PABPC4L: variants seen among roughly 807,000 people sequenced by gnomAD.
PABPC4L encodes the protein polyadenylate-binding protein 4-like.
For missense variants in PABPC4L, 452 were observed against 451.4 expected, an observed-to-expected ratio of 1.00 and a Z score of -0.01; for synonymous variants, 169 against 164.1, an observed-to-expected ratio of 1.03 and a Z score of -0.23.
the PABPC4L span, among the ~76,000 whole-genome samples, chr4:134,044,847 G>T: frequency 6.6e-6 from 1 of 151,866 alleles, no homozygotes; most frequent in Non-Finnish European, 1.5e-5. Flanking sequence ...TTATTATTTG[G>T]CAGTGTTATG....
the PABPC4L span, among the ~76,000 whole-genome samples, chr4:134,064,587 T>C: frequency 6.6e-6 from 1 of 152,102 alleles, no homozygotes; most frequent in Non-Finnish European, 1.5e-5. Context: ...TGCTCTTTTT[T>C]GGTTTTGTTT....
chr4:134,182,100 AC>A, the PABPC4L span, among the ~76,000 whole-genome samples: 6 of 151,802 alleles, frequency 4.0e-5, no homozygotes, highest in Admixed American at 6.6e-5. Flanking sequence ...AACTAAAAAA[AC>A]AAAAACAAAA....
the PABPC4L span, among the ~76,000 whole-genome samples, chr4:133,986,643 A>G: frequency 6.6e-6 from 1 of 152,194 alleles, no homozygotes; most frequent in Non-Finnish European, 1.5e-5. Flanking sequence ...AACTTGAAAA[A>G]AAGAGAAAAT....
chr4:134,169,717 A>G, the PABPC4L span, among the ~76,000 whole-genome samples: 2 of 152,140 alleles, frequency 1.3e-5, no homozygotes, highest in East Asian at 1.9e-4. Context: ...ACCTGGGAAT[A>G]TACTTGGCCA....
At chr4:134,175,485 G>A in the PABPC4L span, among the ~76,000 whole-genome samples, 1 of 151,694 alleles carries the variant, frequency 6.6e-6, no homozygotes, top group Non-Finnish European at 1.5e-5. Context: ...GTCTCGCTCT[G>A]TCGCCCAGGC....
In PABPC4L at chr4:134,197,723, A is replaced by G. The variant is rs1206183170; in HGVS notation, c.*2184T>C. The G allele has an allele frequency of 2.0e-5, 3 of 151,756 alleles. No individual in the cohort carries two copies. Among genetic ancestry groups the G allele is most frequent in the Non-Finnish European group, 4.4e-5 (3 of 67,678 alleles). The allele number at this position is 151,756 out of a possible 1,614,324, so 9.4% of individuals were successfully genotyped here. A position where few individuals can be genotyped will look rare whatever the true frequency, so the allele number is the denominator to read the frequency against. On this transcript the variant is annotated 3_prime_UTR_variant, in exon 2 of 2. Coordinates refer to ENST00000421491, the MANE Select transcript of PABPC4L (RefSeq NM_001114734.2). ...TACTGTTTAACTTTTGTAATTTACA[A>G]AAGTGAAATAAAGCAATGATGAAAT... is the stretch of plus-strand genomic sequence containing the variant.
chr4:134,125,378 T>A, the PABPC4L span, among the ~76,000 whole-genome samples: 1 of 152,092 alleles, frequency 6.6e-6, no homozygotes, highest in Admixed American at 6.6e-5. Context: ...TAGTTACATA[T>A]GTATACATGT....
At chr4:133,952,955 G>A in the PABPC4L span, among the ~76,000 whole-genome samples, 1 of 152,046 alleles carries the variant, frequency 6.6e-6, no homozygotes, top group Admixed American at 6.5e-5. Flanking sequence ...AATGTTCTGT[G>A]CCCCTTGGTT....
At chr4:134,162,049 G>A in the PABPC4L span, among the ~76,000 whole-genome samples, 1 of 151,812 alleles carries the variant, frequency 6.6e-6, no homozygotes, top group African/African-American at 2.4e-5. Context: ...AAGCTTCATT[G>A]TAATCCCAAA....
the PABPC4L span, among the ~76,000 whole-genome samples, chr4:134,148,355 A>T: frequency 1.3e-5 from 2 of 152,064 alleles, no homozygotes; most frequent in African/African-American, 4.8e-5. Context: ...ATGGTCAAAA[A>T]TTTTTTAAAA....
chr4:134,013,816 C>T, the PABPC4L span, among the ~76,000 whole-genome samples: 1 of 151,970 alleles, frequency 6.6e-6, no homozygotes, highest in African/African-American at 2.4e-5. Context: ...CCCATCTGAC[C>T]TCTCCCCTCC....
At chr4:134,073,312 T>G in the PABPC4L span, among the ~76,000 whole-genome samples, 1 of 152,316 alleles carries the variant, frequency 6.6e-6, no homozygotes, top group Admixed American at 6.5e-5. Context: ...GTCAAAAATC[T>G]AATAGGTCAC....
At chr4:134,107,961 T>A in the PABPC4L span, among the ~76,000 whole-genome samples, 3 of 151,610 alleles carry the variant, frequency 2.0e-5, no homozygotes. Context: ...AGAAGAGATA[T>A]GACATGGAAA....
chr4:134,031,830 A>G, the PABPC4L span, among the ~76,000 whole-genome samples: 1 of 151,940 alleles, frequency 6.6e-6, no homozygotes, highest in South Asian at 2.1e-4. Flanking sequence ...ATATTTGTTG[A>G]ATGAATGAAT....
chr4:133,965,053 G>C, the PABPC4L span, among the ~76,000 whole-genome samples: 1 of 152,044 alleles, frequency 6.6e-6, no homozygotes, highest in Non-Finnish European at 1.5e-5. Context: ...CAATATGATT[G>C]TTTACCTCAA....
the PABPC4L span, among the ~76,000 whole-genome samples, chr4:134,016,721 TACA>T: frequency 2.6e-5 from 4 of 152,150 alleles, no homozygotes; most frequent in African/African-American, 9.7e-5. Flanking sequence ...CCACGTAGGT[TACA>T]AGCTGCTAGC....
the PABPC4L span, among the ~76,000 whole-genome samples, chr4:133,952,205 T>C: frequency 6.6e-6 from 1 of 152,110 alleles, no homozygotes; most frequent in African/African-American, 2.4e-5. Flanking sequence ...ACCAAATAAG[T>C]CTGGGGCTTC....
the PABPC4L span, among the ~76,000 whole-genome samples, chr4:134,017,643 T>A: frequency 6.6e-6 from 1 of 152,188 alleles, no homozygotes; most frequent in East Asian, 1.9e-4. Flanking sequence ...TCCTGGGTCT[T>A]CCCAATTCTT....
chr4:134,101,968 T>A, the PABPC4L span, among the ~76,000 whole-genome samples: 1 of 151,530 alleles, frequency 6.6e-6, no homozygotes, highest in African/African-American at 2.4e-5. Flanking sequence ...CTTTGTCTCA[T>A]TTTATAGAAT....
Sources: gnomAD v4.1 joint callset for allele counts (sites outside exome capture counted in the v4.1 genomes callset) on GRCh38, gnomAD v4.1.1 for gene constraint, MANE v1.5 for transcripts, NCBI Gene and HGNC (gene_info 2026-07-23, HGNC 2026-07-21) for gene names.